PIM3: variants seen among roughly 807,000 people sequenced by gnomAD.
PIM3 encodes Pim-3 proto-oncogene, serine/threonine kinase.
In PIM3, 13 loss-of-function variants were observed where a neutral mutation model predicts 27.5. The ratio of observed to expected loss-of-function variants is 0.47; its 90% CI spans 0.31 to 0.75. PIM3 has a LOEUF of 0.75. PIM3 is among the 30% of genes least tolerant of loss of function. PIM3 has a pLI of 0.05. For synonymous variants in PIM3, 341 were observed against 221.1 expected, an observed-to-expected ratio of 1.54 and a Z score of -4.81; for missense variants, 482 against 476.9, an observed-to-expected ratio of 1.01 and a Z score of -0.10.
chr22:49,962,033 T>A (rs1020014101), intron 4 of PIM3, among the ~76,000 whole-genome samples: 24 of 151,744 alleles, frequency 1.6e-4, no homozygotes, highest in Admixed American at 1.4e-3. Flanking sequence ...CAATATTGCT[T>A]CCTCCATCGC....
At chr22:49,961,391 G>A (rs772218202) in intron 3 of PIM3, 23 bp downstream of exon 3, 33 of 1,449,350 alleles carry the variant, frequency 2.3e-5, no homozygotes, top group Middle Eastern at 2.3e-4. Flanking sequence ...ACGGGCGGCG[G>A]CGGCGGCGGG....
chr22:49,962,197 C>G (rs561146728), intron 4 of PIM3, among the ~76,000 whole-genome samples: 1 of 151,862 alleles, frequency 6.6e-6, no homozygotes, highest in Non-Finnish European at 1.5e-5. Context: ...TGGAGGCCCC[C>G]GCGGCGCGGT....
chr22:49,962,123 C>T (rs996327234), intron 4 of PIM3, among the ~76,000 whole-genome samples: 2 of 152,042 alleles, frequency 1.3e-5, no homozygotes, highest in African/African-American at 2.4e-5. Context: ...CGGCTGGGGG[C>T]GGTAGCGGAG....
In PIM3 at chr22:49,963,132, C is replaced by G. The variant is rs768380996; in HGVS notation, c.*5C>G. The G allele has an allele frequency of 6.3e-7, 1 of 1,582,280 alleles. No homozygotes were observed. The highest frequency in any genetic ancestry group is 8.6e-7 in the Non-Finnish European group (1 of 1,162,980). ...TCCAGCAGCGAGAGCTTGTGAGGAG[C>G]TGCACCTGACTGGGAGCTAGGGGAC... is the stretch of plus-strand genomic sequence containing the variant. On this transcript the variant is annotated 3_prime_UTR_variant, in exon 6 of 6. Coordinates refer to ENST00000360612, the MANE Select transcript of PIM3 (RefSeq NM_001001852.4).
intron 1 of PIM3, 38 bp from the exon 2 acceptor site, chr22:49,961,086 GC>G: frequency 1.4e-6 from 2 of 1,387,304 alleles, no homozygotes; most frequent in Non-Finnish European, 1.9e-6. Context: ...GACCGGGGGC[GC>G]CCCGGGCCGC....
At position 49,960,991 on chromosome 22, in the gene PIM3, C is replaced by A; in HGVS notation, c.44C>A (p.Pro15His). Residue 15 changes from proline (P) to histidine (H), a missense_variant, in exon 1 of 6, where the codon CCC becomes CAC. By Grantham distance (77) the Pro-to-His change is moderately conservative. Coordinates refer to ENST00000360612, the MANE Select transcript of PIM3 (RefSeq NM_001001852.4). ...GGCTCCCTGGCGCACCTCTGCGGGC[C>A]CGGCGGCGTGGACCACCTCCCGGTG... The part of the protein sequence containing the change: ...KFGSLAHLCG[P>H]GGVDHLPVKI... 7.2e-7 allele frequency: 1 copy of A among 1,396,610 alleles called. No homozygotes were observed. The highest frequency in any genetic ancestry group is 9.4e-7 in the Non-Finnish European group (1 of 1,066,492). The allele number at this position is 1,396,610 out of a possible 1,614,324, so 86.5% of individuals were successfully genotyped here. A position where few individuals can be genotyped will look rare whatever the true frequency, so the allele number is the denominator to read the frequency against.
chr22:49,960,780 C>T lies in PIM3; in HGVS notation c.-168C>T, dbSNP rs1292725910. The T allele has an allele frequency of 1.6e-5, 4 of 243,386 alleles. No homozygotes were observed. The highest frequency in any genetic ancestry group is 1.3e-4 in the Admixed American group (2 of 15,884). 15.1% of individuals were successfully genotyped at this position (243,386 alleles called of 1,614,324 possible). Reference sequence around the variant, plus strand: ...GGCGAGGCGGCCGGGGCGGGTGAGGCGCTCCGCCTGCTGCGCGTCTACGCG... The same window carrying T: ...GGCGAGGCGGCCGGGGCGGGTGAGGTGCTCCGCCTGCTGCGCGTCTACGCG... On this transcript the variant is annotated 5_prime_UTR_variant, in exon 1 of 6. Transcript: ENST00000360612.
intron 4 of PIM3, among the ~76,000 whole-genome samples, chr22:49,962,388 A>G (rs1490912841): frequency 1.5e-5 from 2 of 133,206 alleles, no homozygotes; most frequent in Non-Finnish European, 3.2e-5. Flanking sequence ...GCCGGGCGGT[A>G]AGGGACCCGC....
chr22:49,962,751 A>T lies in PIM3; in HGVS notation c.679A>T (p.Thr227Ser). The T allele has an allele frequency of 6.2e-7, 1 of 1,612,726 alleles. No individual in the cohort carries two copies. Residue 227 changes from threonine to serine, a missense_variant, in exon 5 of 6, where the codon ACC (threonine) becomes TCC (serine). By Grantham distance (58) the Thr-to-Ser change is moderately conservative. Transcript: ENST00000360612. ...CCACCGCTACCACGGGCGCTCGGCCACCGTGTGGTCGCTGGGCGTGCTTCT... is the reference window on the plus strand; with the variant it reads ...CCACCGCTACCACGGGCGCTCGGCCTCCGTGTGGTCGCTGGGCGTGCTTCT... ...RYHRYHGRSATVWSLGVLLYD... is the reference protein window; with the variant it reads ...RYHRYHGRSASVWSLGVLLYD...
rs4077129 is a variant in PIM3 at position 49,963,045 on chromosome 22, T to C, written c.899T>C (p.Val300Ala). Reference protein sequence around the residue: ...HPWMLGADGGVPESCDLRLCT... With the variant: ...HPWMLGADGGAPESCDLRLCT... ...TGGATGCTGGGGGCTGACGGGGGCG[T>C]CCCGGAGAGCTGTGACCTGCGGCTG... is the stretch of plus-strand genomic sequence containing the variant. The change falls in exon 6 of 6, where the codon GTC becomes GCC. Residue 300 changes from valine to alanine, a missense_variant. Physicochemically the swap from Val to Ala is moderately conservative, Grantham distance 64. Coordinates refer to ENST00000360612, the MANE Select transcript of PIM3 (RefSeq NM_001001852.4). 1,188,993 of 1,611,468 alleles carry C rather than the reference T, an allele frequency of 0.74. 441,221 individuals carry two copies. The highest frequency in any genetic ancestry group is 0.82 in the Admixed American group (48,881 of 59,904).
rs559006849 is a variant in PIM3, at chr22:49,963,001, T to C, written c.855T>C (p.Asp285=). 68 of 1,611,810 alleles carry C rather than the reference T, an allele frequency of 4.2e-5. 1 individual carries two copies. In the South Asian group the frequency reaches 6.7e-4, roughly 16 times the overall value. The change falls in exon 6 of 6, where the codon GAT becomes GAC. Residue 285 remains aspartate (D), a synonymous_variant. Coordinates refer to ENST00000360612, the MANE Select transcript of PIM3 (RefSeq NM_001001852.4). Reference sequence around the variant, plus strand: ...GGCCCTCAGAGCGGCCGTCGCTGGATCAGATTGCGGCCCATCCCTGGATGC... The same window carrying C: ...GGCCCTCAGAGCGGCCGTCGCTGGACCAGATTGCGGCCCATCCCTGGATGC... ...SLRPSERPSL[D]QIAAHPWMLG... is the part of the protein sequence containing the mutation.
chr22:49,962,911 GC>G, intron 5 of PIM3, 28 bp from the exon 6 acceptor site: 1 of 1,597,742 alleles, frequency 6.3e-7, no homozygotes. Flanking sequence ...CCCTGCTTGG[GC>G]CCTCCCTGAC....
At position 49,962,658 on chromosome 22, in the gene PIM3, G is replaced by T. The variant is rs748933021; in HGVS notation, c.617-31G>T. 3.8e-6 allele frequency: 6 copies of T among 1,592,552 alleles called. No homozygotes were observed. The East Asian group carries it at 1.3e-4, about 36-fold the overall frequency. On this transcript the variant is annotated intron_variant, in intron 4 of 5. Transcript: ENST00000360612. Reference sequence around the variant, plus strand: ...GTCTGTTGAGCGGCTCTGCCTCTGTGGTGGGCGTGCTAAGCCCTGTGTCCC... The same window carrying T: ...GTCTGTTGAGCGGCTCTGCCTCTGTTGTGGGCGTGCTAAGCCCTGTGTCCC...
chr22:49,962,775 C>G lies in PIM3; in HGVS notation c.703C>G (p.Leu235Val), dbSNP rs1054558097. ...CACCGTGTGGTCGCTGGGCGTGCTT[C>G]TCTACGATATGGTGTGTGGGGACAT... ...SATVWSLGVL[L>V]YDMVCGDIPF... The change falls in exon 5 of 6, where the codon CTC (leucine) becomes GTC (valine). Residue 235 changes from leucine to valine, a missense_variant. Coordinates refer to ENST00000360612, the MANE Select transcript of PIM3 (RefSeq NM_001001852.4). 2 of 1,612,906 alleles carry G rather than the reference C, an allele frequency of 1.2e-6. No individual in the cohort carries two copies. The highest frequency in any genetic ancestry group is 1.7e-6 in the Non-Finnish European group (2 of 1,180,000).
intron 4 of PIM3, 33 bp downstream of exon 4, chr22:49,961,844 G>A: frequency 3.7e-6 from 6 of 1,607,318 alleles, no homozygotes; most frequent in South Asian, 3.3e-5. Context: ...GAACGTTCCG[G>A]GGGCCTTGCC....
chr22:49,961,915 C>G (rs1422407865), intron 4 of PIM3, 104 bp downstream of exon 4: 5 of 1,496,150 alleles, frequency 3.3e-6, no homozygotes, highest in Non-Finnish European at 4.5e-6. Context: ...GGCGGCCGCG[C>G]GCCCTGGGTC....
At chr22:49,962,085 G>A (rs2060910478) in intron 4 of PIM3, among the ~76,000 whole-genome samples, 1 of 152,090 alleles carries the variant, frequency 6.6e-6, no homozygotes, top group African/African-American at 2.4e-5. Context: ...TGGGAGGCGC[G>A]TGACATCCTT....
In PIM3 at chr22:49,961,079, CG is replaced by C. The variant is rs746386637; in HGVS notation, c.86-41del. The C allele has an allele frequency of 9.2e-4, 1,260 of 1,376,184 alleles. 1 individual carries two copies. The highest frequency in any genetic ancestry group is 1.1e-3 in the Non-Finnish European group (1,218 of 1,060,572). 85.2% of individuals were successfully genotyped at this position (1,376,184 alleles called of 1,614,324 possible). ...CCGGGGCCGGGGCCAGGGCGGGGAC[CG>C]GGGGCGCCCCGGGCCGCACCAACCC... On this transcript the variant is annotated intron_variant, in intron 1 of 5. Coordinates refer to ENST00000360612, the MANE Select transcript of PIM3 (RefSeq NM_001001852.4).
In PIM3 at chr22:49,964,037, T is replaced by C. The variant is rs1161074363; in HGVS notation, c.*910T>C. ...GAGATGTCTGGAGATCATATTTTTT[T>C]ATACAGGTATTTCAATTAAAATGTT... On this transcript the variant is annotated 3_prime_UTR_variant, in exon 6 of 6. Coordinates refer to ENST00000360612, the MANE Select transcript of PIM3 (RefSeq NM_001001852.4). 2 of 152,384 alleles carry C rather than the reference T, an allele frequency of 1.3e-5. No individual in the cohort carries two copies. Among genetic ancestry groups the C allele is most frequent in the East Asian group, 3.7e-4 (2 of 5,340 alleles). The allele number at this position is 152,384 out of a possible 1,614,324, so 9.4% of individuals were successfully genotyped here. A position where few individuals can be genotyped will look rare whatever the true frequency, so the allele number is the denominator to read the frequency against.
Sources: gnomAD v4.1 joint callset for allele counts (sites outside exome capture counted in the v4.1 genomes callset) on GRCh38, gnomAD v4.1.1 for gene constraint, MANE v1.5 for transcripts, NCBI Gene and HGNC (gene_info 2026-07-23, HGNC 2026-07-21) for gene names.